LYRM4: variants seen among roughly 807,000 people sequenced by gnomAD.
LYRM4 encodes LYR motif containing 4.
Under a neutral mutation model 11.7 loss-of-function variants are expected in LYRM4, and 9 were observed. That is an observed-to-expected ratio of 0.77 (90% confidence interval 0.46 to 1.34). The LOEUF (loss-of-function observed/expected upper bound fraction) is 1.34, where lower values mean the gene tolerates loss of function less well. Among genes scored for constraint, LYRM4 ranks in the 40% most tolerant of loss-of-function variants. The pLI, the probability that LYRM4 is intolerant of heterozygous loss-of-function variation, is 0.00. For synonymous variants in LYRM4, 42 were observed against 40.4 expected (o/e 1.04, Z -0.15); for missense variants, 133 against 112.5 (o/e 1.18, Z -0.82).
the LYRM4 span, among the ~76,000 whole-genome samples, chr6:5,091,273 G>A: frequency 2.3e-4 from 35 of 152,308 alleles, no homozygotes; most frequent in Middle Eastern, 3.4e-3. Flanking sequence ...CTCCTACAGA[G>A]TGGTCCTGGC....
chr6:5,177,488 T>A (rs384574), intron 2 of LYRM4, among the ~76,000 whole-genome samples: 21 of 152,276 alleles, frequency 1.4e-4, no homozygotes, highest in African/African-American at 5.1e-4. Flanking sequence ...GCTCTTGGTG[T>A]CAACACAATG....
intron 1 of LYRM4, among the ~76,000 whole-genome samples, chr6:5,238,229 T>C (rs1464446960): frequency 6.6e-6 from 1 of 152,204 alleles, no homozygotes; most frequent in African/African-American, 2.4e-5. Context: ...TCAAATAAAC[T>C]ATGGGAGTAT....
chr6:5,144,569 G>A (rs889871279), intron 2 of LYRM4, among the ~76,000 whole-genome samples: 2 of 136,522 alleles, frequency 1.5e-5, no homozygotes, highest in African/African-American at 5.4e-5. Context: ...CCTGGGAGGT[G>A]AGCCGAGATC....
At chr6:5,163,252 G>A (rs1447331103) in intron 2 of LYRM4, among the ~76,000 whole-genome samples, 1 of 152,066 alleles carries the variant, frequency 6.6e-6, no homozygotes, top group Non-Finnish European at 1.5e-5. Context: ...ATGAGGAAGG[G>A]GTCAAGACAT....
chr6:5,036,356 CAG>C, the LYRM4 span, among the ~76,000 whole-genome samples: 70 of 152,212 alleles, frequency 4.6e-4, no homozygotes, highest in African/African-American at 1.3e-3. Flanking sequence ...AGGGAAAAAA[CAG>C]AGAGCGCCTC....
At chr6:5,251,934 T>G (rs968447540) in intron 1 of LYRM4, among the ~76,000 whole-genome samples, 1 of 152,198 alleles carries the variant, frequency 6.6e-6, no homozygotes, top group Admixed American at 6.5e-5. Flanking sequence ...ACTGGTAATA[T>G]ATTAAAGAGT....
chr6:5,104,742 C>G (rs1336257236), downstream of LYRM4: 1 of 152,230 alleles, frequency 6.6e-6, no homozygotes, highest in African/African-American at 2.4e-5. Context: ...ACAGTGGCTG[C>G]TCCTGTCTGG....
intron 2 of LYRM4, among the ~76,000 whole-genome samples, chr6:5,176,054 T>A (rs1281770155): frequency 2.1e-5 from 3 of 143,474 alleles, no homozygotes; most frequent in African/African-American, 5.2e-5. Context: ...ATGGTGGTTG[T>A]ATTACGCTAT....
At chr6:5,161,357 T>C (rs1030852250) in intron 2 of LYRM4, among the ~76,000 whole-genome samples, 8 of 152,204 alleles carry the variant, frequency 5.3e-5, no homozygotes, top group African/African-American at 1.9e-4. Flanking sequence ...ATTAGTAGGA[T>C]CTATCTTTAA....
intron 2 of LYRM4, among the ~76,000 whole-genome samples, chr6:5,166,443 G>A (rs1378198747): frequency 6.6e-6 from 1 of 152,220 alleles, no homozygotes; most frequent in East Asian, 1.9e-4. Flanking sequence ...TTCTTCATTT[G>A]TTTTCAAGGT....
intron 2 of LYRM4, among the ~76,000 whole-genome samples, chr6:5,150,414 T>C (rs1056890900): frequency 6.6e-6 from 1 of 152,186 alleles, no homozygotes; most frequent in Non-Finnish European, 1.5e-5. Flanking sequence ...AGTCCCAGCT[T>C]GGCCATGTAT....
the LYRM4 span, among the ~76,000 whole-genome samples, chr6:5,075,416 G>A: frequency 4.1e-3 from 631 of 152,326 alleles, 4 homozygotes; most frequent in Non-Finnish European, 4.5e-3. Flanking sequence ...TAGAGGAGAG[G>A]AGGATGGACA....
At chr6:5,168,448 C>A (rs1364294608) in intron 2 of LYRM4, among the ~76,000 whole-genome samples, 1 of 152,154 alleles carries the variant, frequency 6.6e-6, no homozygotes, top group Admixed American at 6.6e-5. Flanking sequence ...AGTATTCTTG[C>A]CAGAAATGTT....
chr6:5,112,972 A>T lies in LYRM4; in HGVS notation c.208-3481T>A, dbSNP rs114836500. 678 of 175,424 alleles carry T rather than the reference A, an allele frequency of 3.9e-3. 3 individuals are homozygous for T. The highest frequency in any genetic ancestry group is 0.016 in the African/African-American group (648 of 41,770). The allele number at this position is 175,424 out of a possible 1,614,324, so 10.9% of individuals were successfully genotyped here. A position where few individuals can be genotyped will look rare whatever the true frequency, so the allele number is the denominator to read the frequency against. On this transcript the variant is annotated intron_variant, in intron 2 of 2. Coordinates refer to ENST00000330636, the MANE Select transcript of LYRM4 (RefSeq NM_020408.6). ...AATAAAAGAGAAGTGGGGTAGGGCC[A>T]GAACACAGATGCCATGCTCCACTTG... is the stretch of plus-strand genomic sequence containing the variant.
chr6:5,042,434 C>A, the LYRM4 span: 110,772 of 152,418 alleles, frequency 0.73, 41,090 homozygotes, highest in East Asian at 0.95. Flanking sequence ...GTGTTCTGTT[C>A]ATTGCCTCCT....
chr6:5,155,080 T>TTTA (rs991189599), intron 2 of LYRM4, among the ~76,000 whole-genome samples: 8 of 152,010 alleles, frequency 5.3e-5, no homozygotes, highest in Non-Finnish European at 5.9e-5. Flanking sequence ...AGACGGATCT[T>TTTA]TTATTATTAT....
chr6:5,230,329 T>A (rs1211413247), intron 1 of LYRM4, among the ~76,000 whole-genome samples: 1 of 152,198 alleles, frequency 6.6e-6, no homozygotes, highest in Non-Finnish European at 1.5e-5. Context: ...TATCCTCTTA[T>A]GAAACTGGTC....
intron 2 of LYRM4, among the ~76,000 whole-genome samples, chr6:5,134,691 TAAAG>T (rs1037544339): frequency 4.6e-5 from 7 of 152,226 alleles, no homozygotes; most frequent in African/African-American, 1.7e-4. Flanking sequence ...ATCTAACTCT[TAAAG>T]ATGGGTGATG....
intron 1 of LYRM4, among the ~76,000 whole-genome samples, chr6:5,244,427 T>C (rs986792634): frequency 6.6e-6 from 1 of 152,128 alleles, no homozygotes; most frequent in African/African-American, 2.4e-5. Context: ...GACATCTCTG[T>C]AATACATCCC....
Sources: allele counts gnomAD v4.1 joint callset (sites outside exome capture counted in the v4.1 genomes callset), GRCh38; gene constraint gnomAD v4.1.1; transcripts MANE v1.5; gene names NCBI Gene and HGNC (gene_info 2026-07-23, HGNC 2026-07-21).